TTLL11: variants seen among roughly 807,000 people sequenced by gnomAD.
TTLL11 encodes the protein tubulin tyrosine ligase like 11.
TTLL11 carries 42 observed loss-of-function variants against 51.7 expected under a neutral mutation model. The observed-to-expected ratio is 0.81, with a 90% confidence interval of 0.64 to 1.05. The LOEUF (loss-of-function observed/expected upper bound fraction) is 1.05, where lower values mean the gene tolerates loss of function less well. Ranked by LOEUF, TTLL11 falls within the 50% of genes least tolerant of loss-of-function variation. The pLI, the probability that TTLL11 is intolerant of heterozygous loss-of-function variation, is 0.00. For missense variants in TTLL11, 799 were observed against 940.4 expected, an observed-to-expected ratio of 0.85 and a Z score of 1.97; for synonymous variants, 381 against 383.5, an observed-to-expected ratio of 0.99 and a Z score of 0.08.
intron 1 of TTLL11, among the ~76,000 whole-genome samples, chr9:122,052,800 C>T (rs1484361644): frequency 6.6e-6 from 1 of 152,176 alleles, no homozygotes; most frequent in Non-Finnish European, 1.5e-5. Flanking sequence ...AGAAAGGCTC[C>T]TTCCCTCGAG....
At chr9:122,084,622 G>C (rs963600067) in intron 1 of TTLL11, among the ~76,000 whole-genome samples, 2 of 152,208 alleles carry the variant, frequency 1.3e-5, no homozygotes, top group Non-Finnish European at 2.9e-5. Flanking sequence ...CCATTTTTCT[G>C]TTACAAAATT....
intron 7 of TTLL11, among the ~76,000 whole-genome samples, chr9:121,861,773 A>G (rs1234260936): frequency 3.3e-5 from 5 of 152,052 alleles, no homozygotes; most frequent in Non-Finnish European, 7.4e-5. Context: ...GCAATTTCCC[A>G]CTGGAAATGC....
chr9:121,841,790 G>A (rs1051002522), intron 8 of TTLL11, among the ~76,000 whole-genome samples: 4 of 152,092 alleles, frequency 2.6e-5, no homozygotes, highest in Non-Finnish European at 5.9e-5. Context: ...TCTAGCAGCA[G>A]CCGTCGGCTT....
At chr9:121,994,620 T>C (rs1295256240) in intron 3 of TTLL11, among the ~76,000 whole-genome samples, 1 of 152,108 alleles carries the variant, frequency 6.6e-6, no homozygotes, top group African/African-American at 2.4e-5. Context: ...ATGAGAGATG[T>C]ATGAGAAGGG....
intron 3 of TTLL11, among the ~76,000 whole-genome samples, chr9:121,999,260 G>C (rs1006889300): frequency 3.3e-5 from 5 of 152,154 alleles, no homozygotes; most frequent in Admixed American, 2.6e-4. Context: ...TTCAGTTAAA[G>C]TATGCCCCAA....
At chr9:121,935,204 G>A (rs11999774) in intron 6 of TTLL11, among the ~76,000 whole-genome samples, 11,406 of 151,700 alleles carry the variant, frequency 0.075, 633 homozygotes, top group African/African-American at 0.16. Flanking sequence ...TGATCCGCCC[G>A]CCTCGGCCTC....
Position 122,038,953 on chromosome 9 carries a change from T to C in TTLL11, c.559+319A>G, listed in dbSNP as rs746485694. 4.6e-5 allele frequency among the ~76,000 whole-genome samples: 7 copies of C among 152,344 alleles called. 1 individual carries two copies. In the East Asian group the frequency reaches 5.8e-4, roughly 13 times the overall value. On this transcript the variant is annotated intron_variant, in intron 2 of 8. Transcript: ENST00000321582. ...TATGCCTAGAATTTTGGTGCTTTTG[T>C]TTCCCGCAAGAATGAAATGTTCTAT...
rs554290564 is a variant in TTLL11 at position 121,880,611 on chromosome 9, A to G, written c.1482-9863T>C. ...TTATCACACTCCAATGGCTATTTGC[A>G]TAACTGTCTGCTTAATGCCTATTTC... is the stretch of plus-strand genomic sequence containing the variant. On this transcript the variant is annotated intron_variant, in intron 6 of 8. Transcript: ENST00000321582. Among the ~76,000 whole-genome samples, 4 of 152,238 alleles carry G rather than the reference A, an allele frequency of 2.6e-5. No individual in the cohort carries two copies. In the East Asian group the frequency reaches 5.8e-4, roughly 22 times the overall value.
intron 3 of TTLL11, among the ~76,000 whole-genome samples, chr9:122,024,073 T>C (rs1168895694): frequency 6.6e-6 from 1 of 152,100 alleles, no homozygotes; most frequent in Non-Finnish European, 1.5e-5. Flanking sequence ...CAAAATAAGC[T>C]ACTAGAACTG....
intron 1 of TTLL11, among the ~76,000 whole-genome samples, chr9:122,072,639 G>A (rs1050745395): frequency 6.6e-5 from 10 of 152,034 alleles, no homozygotes; most frequent in Non-Finnish European, 1.0e-4. Context: ...GCAAGACTCT[G>A]TCTCAAAAAA....
intron 6 of TTLL11, among the ~76,000 whole-genome samples, chr9:121,959,999 C>T (rs1842166234): frequency 2.0e-5 from 3 of 152,020 alleles, no homozygotes. Context: ...ACAGCCACCA[C>T]CTGGGTTAAG....
At chr9:122,000,745 T>C (rs980360853) in intron 3 of TTLL11, among the ~76,000 whole-genome samples, 1 of 152,232 alleles carries the variant, frequency 6.6e-6, no homozygotes, top group African/African-American at 2.4e-5. Context: ...CCCTCGGGGC[T>C]GTTGTATGGA....
chr9:121,953,449 T>C (rs2131607003), intron 6 of TTLL11, among the ~76,000 whole-genome samples: 1 of 151,944 alleles, frequency 6.6e-6, no homozygotes, highest in South Asian at 2.1e-4. Flanking sequence ...CCTGGCAACA[T>C]GGTGAAACCC....
intron 1 of TTLL11, among the ~76,000 whole-genome samples, chr9:122,082,851 A>G (rs1225578443): frequency 6.6e-6 from 1 of 152,054 alleles, no homozygotes; most frequent in Non-Finnish European, 1.5e-5. Context: ...ACATAGCACA[A>G]TGCTGTCTCT....
intron 6 of TTLL11, among the ~76,000 whole-genome samples, chr9:121,875,571 C>T (rs1443039158): frequency 1.3e-5 from 2 of 152,154 alleles, no homozygotes; most frequent in East Asian, 3.9e-4. Flanking sequence ...TGGTTTTACT[C>T]AGCTGGAAGA....
chr9:121,900,164 A>G (rs1226095733), intron 6 of TTLL11, among the ~76,000 whole-genome samples: 1 of 152,226 alleles, frequency 6.6e-6, no homozygotes, highest in Admixed American at 6.5e-5. Flanking sequence ...TTTAGCATTT[A>G]ACTAGAGCAT....
intron 6 of TTLL11, among the ~76,000 whole-genome samples, chr9:121,939,406 C>T (rs1184229983): frequency 2.0e-5 from 3 of 152,084 alleles, no homozygotes; most frequent in Non-Finnish European, 4.4e-5. Flanking sequence ...GGAGATATGG[C>T]TTGTATCATT....
At chr9:122,014,937 C>A (rs1843920169) in intron 3 of TTLL11, among the ~76,000 whole-genome samples, 1 of 152,182 alleles carries the variant, frequency 6.6e-6, no homozygotes. Context: ...CAGCACTTGG[C>A]ACTTAGCAGG....
At chr9:122,004,161 G>T (rs993419521) in intron 3 of TTLL11, among the ~76,000 whole-genome samples, 1 of 151,960 alleles carries the variant, frequency 6.6e-6, no homozygotes, top group African/African-American at 2.4e-5. Context: ...GTACCTCATG[G>T]TTATCTAACC....
Sources: gnomAD v4.1 joint callset for allele counts (sites outside exome capture counted in the v4.1 genomes callset) on GRCh38, gnomAD v4.1.1 for gene constraint, MANE v1.5 for transcripts, NCBI Gene and HGNC (gene_info 2026-07-23, HGNC 2026-07-21) for gene names.